Variants in NPHP4 observed in about 807,000 individuals in gnomAD.
The protein encoded by NPHP4 is nephrocystin 4.
A neutral mutation model predicts 155.8 loss-of-function variants in NPHP4; 151 were observed. The observed-to-expected ratio is 0.97, with a 90% CI of 0.85 to 1.11. The LOEUF (loss-of-function observed/expected upper bound fraction) is 1.11. NPHP4 is among the 50% of genes least tolerant of loss of function. NPHP4 has a pLI of 0.00. For missense variants in NPHP4, 1,956 were observed against 1,925.7 expected, an observed-to-expected ratio of 1.02 and a Z score of -0.29; for synonymous variants, 845 against 816.8, an observed-to-expected ratio of 1.03 and a Z score of -0.59.
intron 10 of NPHP4, among the ~76,000 whole-genome samples, chr1:5,929,141 C>A (rs895962258): frequency 2.0e-5 from 3 of 152,188 alleles, no homozygotes; most frequent in Non-Finnish European, 2.9e-5. Context: ...ATGTTGACTT[C>A]CTGTGTTATC....
intron 7 of NPHP4, among the ~76,000 whole-genome samples, chr1:5,948,469 T>C (rs1647265655): frequency 2.0e-5 from 3 of 152,212 alleles, no homozygotes; most frequent in Non-Finnish European, 2.9e-5. Context: ...AGTTTTGGCA[T>C]TTCCAACACA....
In NPHP4 at chr1:5,892,906, C is replaced by T. The variant is rs139339041; in HGVS notation, c.2144-1878G>A. 7.1e-3 allele frequency among the ~76,000 whole-genome samples: 1,088 copies of T among 152,246 alleles called. 11 individuals carry two copies. Among genetic ancestry groups the T allele is most frequent in the African/African-American group, 0.025 (1,033 of 41,532 alleles). ...CCTTCACAAACACCACGCCCCAGCC[C>T]GGCTGGAATCCTCACTGCTTCTGGG... On this transcript the variant is annotated intron_variant, in intron 16 of 29. Coordinates refer to ENST00000378156, the MANE Select transcript of NPHP4 (RefSeq NM_015102.5). This position sits in a 1 kb window ranked among gnomAD's most constrained non-coding sequence, Gnocchi z 4.5.
chr1:5,935,166 T>A (rs931047618), intron 9 of NPHP4, among the ~76,000 whole-genome samples: 4 of 152,236 alleles, frequency 2.6e-5, no homozygotes, highest in African/African-American at 9.6e-5. Context: ...CCAGATGATA[T>A]CCCATCCTGT....
intron 5 of NPHP4, among the ~76,000 whole-genome samples, chr1:5,965,524 A>C (rs1211820535): frequency 6.6e-6 from 1 of 152,170 alleles, no homozygotes; most frequent in East Asian, 1.9e-4. Context: ...TCAGCAACGA[A>C]ATGAAGTTCC....
chr1:5,877,522 A>G, intron 19 of NPHP4: 3 of 404,510 alleles, frequency 7.4e-6, no homozygotes, highest in Non-Finnish European at 1.3e-5. Flanking sequence ...CCTTCAAATT[A>G]AAAGCAATTC....
At chr1:5,920,364 G>C (rs1645680970) in intron 11 of NPHP4, among the ~76,000 whole-genome samples, 1 of 152,176 alleles carries the variant, frequency 6.6e-6, no homozygotes, top group South Asian at 2.1e-4. Context: ...CCCAGCCGGG[G>C]TTAGCTGTTT....
Position 5,952,738 on chromosome 1 carries a change from C to T in NPHP4, c.772G>A (p.Glu258Lys). 6.4e-7 allele frequency: 1 copy of T among 1,563,614 alleles called. No homozygotes were observed. The highest frequency in any genetic ancestry group is 1.7e-4 in the Middle Eastern group (1 of 5,850). ...LYPSLEKFEE[E>K]LLELHVQDHF... ...TCCTGGACGTGGAGCTCCAGCAGCT[C>T]TTCCTCAAACTTCTCCAGGGAGGGG... The change falls in exon 7 of 30, where the codon GAG becomes AAG. Residue 258 changes from glutamate to lysine, a missense_variant. Transcript: ENST00000378156.
intron 6 of NPHP4, among the ~76,000 whole-genome samples, chr1:5,956,789 G>A (rs116285879): frequency 0.015 from 2,266 of 152,268 alleles, 55 homozygotes; most frequent in African/African-American, 0.052. Flanking sequence ...TGATGAAGAC[G>A]CTAGTGCTTT....
intron 23 of NPHP4, among the ~76,000 whole-genome samples, chr1:5,868,958 T>C (rs1250783074): frequency 9.6e-6 from 1 of 104,144 alleles, no homozygotes; most frequent in African/African-American, 3.8e-5. Context: ...ACACACACAA[T>C]GCACACACAC....
chr1:5,948,043 C>A (rs1356306873), intron 8 of NPHP4, 27 bp downstream of exon 8: 1 of 1,581,936 alleles, frequency 6.3e-7, no homozygotes, highest in Admixed American at 1.7e-5. Context: ...CATCCCCACC[C>A]ATCCCTGGGG....
At chr1:5,939,084 G>A (rs1246797085) in intron 9 of NPHP4, among the ~76,000 whole-genome samples, 1 of 152,094 alleles carries the variant, frequency 6.6e-6, no homozygotes, top group East Asian at 1.9e-4. Flanking sequence ...GATACTTCAT[G>A]GCAAAGCTGC....
chr1:5,927,661 T>C lies in NPHP4; in HGVS notation c.1429A>G (p.Thr477Ala), dbSNP rs765981601. ...TGGAAACACTTACTCGAAGGGGACG[T>C]GGGTGGTTTCCTGGAAGGCCGCCGC... ...VERRPSRKPP[T>A]SPSSPPAPVP... Residue 477 changes from threonine to alanine, a missense_variant, in exon 11 of 30, where the codon ACG becomes GCG. By Grantham distance (58) the Thr-to-Ala change is moderately conservative. Transcript: ENST00000378156. The C allele has an allele frequency of 6.2e-7, 1 of 1,610,834 alleles. No individual in the cohort carries two copies. Among genetic ancestry groups the C allele is most frequent in the South Asian group, 1.1e-5 (1 of 91,016 alleles).
At chr1:5,891,337 A>G (rs943407897) in intron 16 of NPHP4, among the ~76,000 whole-genome samples, 3 of 152,134 alleles carry the variant, frequency 2.0e-5, no homozygotes, top group Admixed American at 1.3e-4. Flanking sequence ...CTGGCTAGGG[A>G]GTTTATTATT....
intron 9 of NPHP4, among the ~76,000 whole-genome samples, chr1:5,934,354 C>T (rs936888510): frequency 6.6e-6 from 1 of 152,172 alleles, no homozygotes; most frequent in African/African-American, 2.4e-5. Flanking sequence ...GTAAGTGCTG[C>T]GGAGCGCTGC....
intron 11 of NPHP4, among the ~76,000 whole-genome samples, chr1:5,909,890 CT>C (rs1459700791): frequency 9.2e-5 from 14 of 152,172 alleles, no homozygotes; most frequent in Non-Finnish European, 1.5e-5. Flanking sequence ...CCACCTGTAC[CT>C]GCCCAGCCCC....
At chr1:5,868,376 G>A in intron 23 of NPHP4, 1 of 257,930 alleles carries the variant, frequency 3.9e-6, no homozygotes, top group Non-Finnish European at 7.7e-6. Context: ...CTAAACCAAA[G>A]GGGTTAGAAA....
rs372494770 is a variant in NPHP4 at position 5,879,412 on chromosome 1, C to A, written c.2611+702G>T. 9.4e-4 allele frequency: 394 copies of A among 418,108 alleles called. 9 individuals are homozygous for A. The highest frequency in any genetic ancestry group is 7.1e-3 in the South Asian group (385 of 54,272). The allele number at this position is 418,108 out of a possible 1,614,324, so 25.9% of individuals were successfully genotyped here. A position where few individuals can be genotyped will look rare whatever the true frequency, so the allele number is the denominator to read the frequency against. ...AAACACATTTTCACCAAACCCAGGT[C>A]TTCCTCTCCAAACCAGGTCTTTCTT... On this transcript the variant is annotated intron_variant, in intron 19 of 29. Transcript: ENST00000378156.
chr1:5,895,918 C>T (rs1474862371), intron 16 of NPHP4, among the ~76,000 whole-genome samples: 2 of 151,954 alleles, frequency 1.3e-5, no homozygotes, highest in Admixed American at 6.6e-5. Context: ...TAGAGACGGG[C>T]ACAGGTGACG....
At chr1:5,978,498 G>A in intron 2 of NPHP4, 85 bp from the exon 3 acceptor site, 1 of 1,289,442 alleles carries the variant, frequency 7.8e-7, no homozygotes, top group Non-Finnish European at 1.1e-6. Flanking sequence ...GTGCATATGG[G>A]GCCACCTCGC....
Sources: gnomAD v4.1 joint callset for allele counts (sites outside exome capture counted in the v4.1 genomes callset) on GRCh38, gnomAD v4.1.1 for gene constraint, Gnocchi (gnomAD v3.1) non-coding constraint, MANE v1.5 for transcripts, NCBI Gene and HGNC (gene_info 2026-07-23, HGNC 2026-07-21) for gene names.